The following ARL15 variants were observed in gnomAD, a reference collection of about 807,000 sequenced individuals.
The protein encoded by ARL15 is ADP-ribosylation factor-like protein 15.
Under a neutral mutation model 25.2 loss-of-function variants are expected in ARL15, and 19 were observed. The ratio of observed to expected loss-of-function variants is 0.75; its 90% CI spans 0.53 to 1.10. The LOEUF is 1.10. ARL15 is among the 50% of genes least tolerant of loss of function. ARL15 has a pLI of 0.00. For missense variants in ARL15, 220 were observed against 246.0 expected (o/e 0.89, Z 0.71); for synonymous variants, 94 against 86.8 (o/e 1.08, Z -0.46).
chr5:54,005,945 TG>T (rs1274267119), intron 4 of ARL15, among the ~76,000 whole-genome samples: 1 of 145,738 alleles, frequency 6.9e-6, no homozygotes, highest in African/African-American at 2.6e-5. Context: ...AGGCTGTAGC[TG>T]GGAGGAGGCA....
At chr5:53,938,366 T>C (rs1456632433) in intron 4 of ARL15, among the ~76,000 whole-genome samples, 2 of 152,212 alleles carry the variant, frequency 1.3e-5, no homozygotes, top group Admixed American at 1.3e-4. Flanking sequence ...CCCTACCACA[T>C]GTCTGGATAA....
At chr5:54,164,912 T>G (rs1561249494) in intron 2 of ARL15, among the ~76,000 whole-genome samples, 1 of 152,044 alleles carries the variant, frequency 6.6e-6, no homozygotes, top group Non-Finnish European at 1.5e-5. Context: ...ACTTGTTTCC[T>G]ATTTGTTTCA....
intron 4 of ARL15, among the ~76,000 whole-genome samples, chr5:53,959,459 A>G (rs184791477): frequency 1.8e-3 from 280 of 152,256 alleles, no homozygotes; most frequent in Non-Finnish European, 3.4e-3. Flanking sequence ...GGTGGGGGAG[A>G]TGATCAATAT....
intron 4 of ARL15, among the ~76,000 whole-genome samples, chr5:53,976,704 G>C (rs577452566): frequency 6.6e-6 from 1 of 152,122 alleles, no homozygotes; most frequent in East Asian, 1.9e-4. Context: ...TTGGCATGTC[G>C]AGCTTGAGGT....
chr5:54,083,744 A>G (rs13167132), intron 4 of ARL15, among the ~76,000 whole-genome samples: 2,608 of 152,280 alleles, frequency 0.017, 26 homozygotes, highest in Middle Eastern at 0.027. Context: ...ACTATAATAC[A>G]TGACTATAAT....
chr5:54,065,208 C>T (rs1751183787), intron 4 of ARL15, among the ~76,000 whole-genome samples: 1 of 152,154 alleles, frequency 6.6e-6, no homozygotes, highest in Admixed American at 6.5e-5. Flanking sequence ...TTAATTAAAA[C>T]TAATCTTTAA....
chr5:53,972,471 G>A (rs1476462387), intron 4 of ARL15, among the ~76,000 whole-genome samples: 3 of 152,030 alleles, frequency 2.0e-5, no homozygotes, highest in Non-Finnish European at 4.4e-5. Flanking sequence ...TTATTACCTT[G>A]AACAAGTCAT....
At position 54,062,619 on chromosome 5, in the gene ARL15, G is replaced by A. The variant is rs182256481; in HGVS notation, c.462+50583C>T. ...TTTACTCCTCCTTGCCTTCTGCCATGATTGTAAGGCCTCCCCAGCCATGTG... is the reference window on the plus strand; with the variant it reads ...TTTACTCCTCCTTGCCTTCTGCCATAATTGTAAGGCCTCCCCAGCCATGTG... On this transcript the variant is annotated intron_variant, in intron 4 of 4. Coordinates refer to ENST00000504924, the MANE Select transcript of ARL15 (RefSeq NM_019087.3). Among the ~76,000 whole-genome samples, 189 of 152,048 alleles carry A rather than the reference G, an allele frequency of 1.2e-3. 1 individual carries two copies. Among genetic ancestry groups the A allele is most frequent in the African/African-American group, 4.2e-3 (176 of 41,452 alleles).
intron 4 of ARL15, chr5:53,887,431 C>A: frequency 4.3e-6 from 3 of 696,872 alleles, no homozygotes; most frequent in South Asian, 1.5e-5. Flanking sequence ...GCTGAAAAAC[C>A]TGTTCAATTA....
At chr5:53,906,466 A>T (rs759420428) in intron 4 of ARL15, among the ~76,000 whole-genome samples, 2 of 152,174 alleles carry the variant, frequency 1.3e-5, no homozygotes, top group Non-Finnish European at 2.9e-5. Flanking sequence ...GAAGCAATTA[A>T]GAGGTACAAC....
chr5:54,122,445 C>T (rs10055804), intron 3 of ARL15, among the ~76,000 whole-genome samples: 37,255 of 152,226 alleles, frequency 0.24, 5,134 homozygotes, highest in African/African-American at 0.37. Context: ...GCGCAATGTG[C>T]GTGTATACGC....
chr5:54,106,098 T>TA (rs35799419), intron 4 of ARL15, among the ~76,000 whole-genome samples: 6 of 152,064 alleles, frequency 3.9e-5, no homozygotes, highest in African/African-American at 4.8e-5. Flanking sequence ...GATATGGTGT[T>TA]AAAAAAAGTC....
chr5:54,099,893 A>G (rs1026469251), intron 4 of ARL15, among the ~76,000 whole-genome samples: 3 of 152,178 alleles, frequency 2.0e-5, no homozygotes, highest in Non-Finnish European at 2.9e-5. Flanking sequence ...AACAGTGAGA[A>G]GGATTTAAAT....
chr5:53,901,200 C>G (rs1745055934), intron 4 of ARL15, among the ~76,000 whole-genome samples: 1 of 152,146 alleles, frequency 6.6e-6, no homozygotes, highest in South Asian at 2.1e-4. Flanking sequence ...TTCCACTCCA[C>G]TCTTTCAAAA....
Position 53,886,392 on chromosome 5 carries a change from T to G in ARL15, c.*169A>C. 2 of 687,036 alleles carry G rather than the reference T, an allele frequency of 2.9e-6. No individual in the cohort carries two copies. The highest frequency in any genetic ancestry group is 2.3e-6 in the Non-Finnish European group (1 of 427,160). 42.6% of individuals were successfully genotyped at this position (687,036 alleles called of 1,614,324 possible). Reference sequence around the variant, plus strand: ...TACTTGACGTTAATGCCGATGATAATTCATCTGATCTACAGAATATTCACT... The same window carrying G: ...TACTTGACGTTAATGCCGATGATAAGTCATCTGATCTACAGAATATTCACT... On this transcript the variant is annotated 3_prime_UTR_variant, in exon 5 of 5. Transcript: ENST00000504924.
At chr5:54,209,456 T>A (rs184759950) in intron 1 of ARL15, among the ~76,000 whole-genome samples, 1 of 152,222 alleles carries the variant, frequency 6.6e-6, no homozygotes, top group African/African-American at 2.4e-5. Context: ...TGACCACTGG[T>A]TTTCACATAA....
chr5:54,225,924 G>A (rs1756505501), intron 1 of ARL15, among the ~76,000 whole-genome samples: 1 of 152,192 alleles, frequency 6.6e-6, no homozygotes, highest in South Asian at 2.1e-4. Flanking sequence ...ATGGAAATGG[G>A]ACCCCAGGGT....
intron 4 of ARL15, among the ~76,000 whole-genome samples, chr5:53,921,092 C>A (rs368899746): frequency 6.6e-6 from 1 of 152,126 alleles, no homozygotes; most frequent in Non-Finnish European, 1.5e-5. Context: ...GGCAAGACAT[C>A]GAGAATGTAA....
chr5:53,927,360 G>GAC (rs1313579664), intron 4 of ARL15, among the ~76,000 whole-genome samples: 1 of 152,118 alleles, frequency 6.6e-6, no homozygotes, highest in Non-Finnish European at 1.5e-5. Context: ...GACAGACAGA[G>GAC]ACACACACAC....
Sources: allele counts gnomAD v4.1 joint callset (sites outside exome capture counted in the v4.1 genomes callset), GRCh38; gene constraint gnomAD v4.1.1; transcripts MANE v1.5; gene names NCBI Gene and HGNC (gene_info 2026-07-23, HGNC 2026-07-21).